The following RAI14 variants were observed in gnomAD, a reference collection of about 807,000 sequenced individuals.
RAI14 encodes retinoic acid induced 14.
RAI14 carries 45 observed loss-of-function variants against 115.4 expected under a neutral mutation model. That is an observed-to-expected ratio of 0.39 (90% CI 0.31 to 0.50). RAI14 has a LOEUF of 0.50. Ranked by LOEUF, RAI14 falls within the 20% of genes least tolerant of loss-of-function variation. The pLI is 0.85. For synonymous variants in RAI14, 371 were observed against 415.4 expected, an observed-to-expected ratio of 0.89 and a Z score of 1.30; for missense variants, 939 against 1,131.2, an observed-to-expected ratio of 0.83 and a Z score of 2.44.
At chr5:34,803,650 A>G in intron 4 of RAI14, 62 bp from the exon 5 acceptor site, 1 of 1,359,910 alleles carries the variant, frequency 7.4e-7, no homozygotes, top group South Asian at 1.3e-5. Flanking sequence ...TATATAAGAA[A>G]GAGATTTTTT....
intron 7 of RAI14, among the ~76,000 whole-genome samples, chr5:34,809,589 G>T (rs1251827188): frequency 1.3e-5 from 2 of 150,028 alleles, no homozygotes; most frequent in Non-Finnish European, 2.9e-5. Flanking sequence ...AATTAAATGA[G>T]CTCTGGCAGA....
chr5:34,670,912 A>G (rs535357300), intron 1 of RAI14, among the ~76,000 whole-genome samples: 1 of 152,340 alleles, frequency 6.6e-6, no homozygotes, highest in South Asian at 2.1e-4. Flanking sequence ...GGTAGCTCTT[A>G]GCATGAAGCA....
Position 34,811,871 on chromosome 5 carries a change from C to T in RAI14, c.662C>T (p.Ala221Val), listed in dbSNP as rs1256680503. The T allele has an allele frequency of 1.9e-6, 3 of 1,612,424 alleles. No homozygotes were observed. The Admixed American group carries it at 5.0e-5, about 27-fold the overall frequency. ...CTTGTAGATTCTCTTGGATACAATG[C>T]CTTACATTATTCCAAACTCTCAGAA... ...LNLVDSLGYN[A>V]LHYSKLSENA... Residue 221 changes from alanine (A) to valine (V), a missense_variant, in exon 9 of 18, where the codon GCC (alanine) becomes GTC (valine). Ala to Val is a moderately conservative substitution (Grantham distance 64). Transcript: ENST00000265109.
chr5:34,782,284 C>CT (rs1325906762), intron 3 of RAI14, among the ~76,000 whole-genome samples: 2 of 151,904 alleles, frequency 1.3e-5, no homozygotes, highest in African/African-American at 4.8e-5. Flanking sequence ...GTCTTTTTTT[C>CT]TTTTTTTTCA....
chr5:34,814,831 C>A (rs556285952), intron 12 of RAI14, among the ~76,000 whole-genome samples, 162 bp downstream of exon 12: 52 of 152,060 alleles, frequency 3.4e-4, no homozygotes, highest in Non-Finnish European at 5.7e-4. Flanking sequence ...TGGCATGGAC[C>A]CCATAAAGCA....
At chr5:34,748,093 A>C (rs1746521458) in intron 2 of RAI14, among the ~76,000 whole-genome samples, 1 of 152,176 alleles carries the variant, frequency 6.6e-6, no homozygotes, top group East Asian at 1.9e-4. Flanking sequence ...CAGAGGGACC[A>C]GCCTGTTTCT....
intron 3 of RAI14, among the ~76,000 whole-genome samples, chr5:34,790,249 G>C (rs1055524265): frequency 5.9e-5 from 9 of 152,182 alleles, no homozygotes; most frequent in Non-Finnish European, 5.9e-5. Context: ...GGAATAAACT[G>C]AGTGAGCCTG....
At chr5:34,815,175 G>A (rs1756064586) in intron 12 of RAI14, among the ~76,000 whole-genome samples, 2 of 152,108 alleles carry the variant, frequency 1.3e-5, no homozygotes, top group Admixed American at 1.3e-4. Flanking sequence ...GAGGTCAAGA[G>A]ATCGAGACCA....
intron 2 of RAI14, among the ~76,000 whole-genome samples, chr5:34,698,725 T>C (rs190992435): frequency 1.3e-5 from 2 of 152,298 alleles, no homozygotes; most frequent in East Asian, 1.9e-4. Context: ...GGCCTCTCTA[T>C]ACGTCATTGA....
chr5:34,743,564 T>G (rs1375543984), intron 2 of RAI14, among the ~76,000 whole-genome samples: 1 of 152,198 alleles, frequency 6.6e-6, no homozygotes, highest in African/African-American at 2.4e-5. Context: ...TGGAGGACAC[T>G]ATTGAACCCC....
intron 2 of RAI14, chr5:34,687,928 A>T: frequency 1.1e-6 from 1 of 937,990 alleles, no homozygotes; most frequent in Non-Finnish European, 1.6e-6. Flanking sequence ...CTGAGGCTGC[A>T]TCATGACATG....
intron 2 of RAI14, among the ~76,000 whole-genome samples, chr5:34,713,841 T>G (rs1193846936): frequency 2.0e-5 from 3 of 152,244 alleles, no homozygotes; most frequent in African/African-American, 7.2e-5. Context: ...AGTCTCGCTC[T>G]GTCACCCAGG....
chr5:34,665,194 T>TATATATATATATATATATAC (rs1301977622), intron 1 of RAI14, among the ~76,000 whole-genome samples: 2 of 101,022 alleles, frequency 2.0e-5, no homozygotes, highest in African/African-American at 7.6e-5. Context: ...TATATGTATA[T>TATATATATATATATATATAC]ATATACACAC....
rs140424674 is a variant in RAI14, at chr5:34,727,651, A to G, written c.37-29817A>G. ...AGCCGTGGCTCAAAGGGGCCAAGGT[A>G]CAGCTTGGGCTGTGGCTTCAGAGGG... On this transcript the variant is annotated intron_variant, in intron 2 of 17. Coordinates refer to ENST00000265109, the MANE Select transcript of RAI14 (RefSeq NM_015577.3). Among the ~76,000 whole-genome samples, 1,440 of 152,296 alleles carry G rather than the reference A, an allele frequency of 9.5e-3. 27 individuals carry two copies. The highest frequency in any genetic ancestry group is 0.033 in the African/African-American group (1,354 of 41,580).
At chr5:34,693,981 C>G (rs1366762894) in intron 2 of RAI14, among the ~76,000 whole-genome samples, 1 of 152,222 alleles carries the variant, frequency 6.6e-6, no homozygotes, top group Non-Finnish European at 1.5e-5. Flanking sequence ...TTCTGCTCTT[C>G]CAGTGGTGCC....
intron 2 of RAI14, among the ~76,000 whole-genome samples, chr5:34,697,476 C>CT (rs1478045542): frequency 6.6e-6 from 1 of 151,504 alleles, no homozygotes; most frequent in African/African-American, 2.4e-5. Flanking sequence ...ATGGAAACTG[C>CT]TCTTGAATGT....
At chr5:34,785,139 C>T (rs1752142533) in intron 3 of RAI14, among the ~76,000 whole-genome samples, 1 of 152,162 alleles carries the variant, frequency 6.6e-6, no homozygotes, top group South Asian at 2.1e-4. Context: ...TTAACGAAGT[C>T]CTCTAAAGCC....
intron 3 of RAI14, among the ~76,000 whole-genome samples, chr5:34,785,396 G>C (rs1340410465): frequency 6.6e-6 from 1 of 152,050 alleles, no homozygotes; most frequent in Non-Finnish European, 1.5e-5. Flanking sequence ...CTGTATAATT[G>C]TTCTGGAATC....
At chr5:34,806,210 C>G (rs163122) in intron 5 of RAI14, among the ~76,000 whole-genome samples, 102,139 of 152,000 alleles carry the variant, frequency 0.67, 34,748 homozygotes, top group African/African-American at 0.76. Flanking sequence ...CCTGAGGTCA[C>G]AAAGGTGCTG....
Sources: gnomAD v4.1 joint callset for allele counts (sites outside exome capture counted in the v4.1 genomes callset) on GRCh38, gnomAD v4.1.1 for gene constraint, MANE v1.5 for transcripts, NCBI Gene and HGNC (gene_info 2026-07-23, HGNC 2026-07-21) for gene names.